DLAT: variants seen among roughly 807,000 people sequenced by gnomAD.
DLAT encodes the protein dihydrolipoamide S-acetyltransferase.
A neutral mutation model predicts 68.0 loss-of-function variants in DLAT; 43 were observed. The observed-to-expected ratio is 0.63, with a 90% CI of 0.50 to 0.81. The LOEUF (loss-of-function observed/expected upper bound fraction) is 0.81, where lower values mean the gene tolerates loss of function less well. Among genes scored for constraint, DLAT ranks in the 40% least tolerant of loss-of-function variants. DLAT has a pLI of 0.00. For missense variants in DLAT, 745 were observed against 815.4 expected (o/e 0.91, Z 1.05); for synonymous variants, 265 against 288.6 (o/e 0.92, Z 0.83).
intron 11 of DLAT, among the ~76,000 whole-genome samples, chr11:112,054,118 G>A (rs1592712003): frequency 6.6e-6 from 1 of 151,888 alleles, no homozygotes; most frequent in East Asian, 1.9e-4. Context: ...AGATCAGCCT[G>A]GCCAACATGG....
At chr11:112,034,541 C>T (rs1862588236) in intron 5 of DLAT, among the ~76,000 whole-genome samples, 1 of 151,630 alleles carries the variant, frequency 6.6e-6, no homozygotes, top group African/African-American at 2.4e-5. Flanking sequence ...CTCCTGGGTT[C>T]ACGCCATTCT....
chr11:112,028,293 C>G (rs931898210), intron 2 of DLAT, among the ~76,000 whole-genome samples: 17 of 151,980 alleles, frequency 1.1e-4, no homozygotes, highest in Admixed American at 1.0e-3. Context: ...GCAGCCTGTT[C>G]CTGTAATCCC....
At position 112,039,399 on chromosome 11, in the gene DLAT, T is replaced by C. The variant is rs782070173; in HGVS notation, c.1129+2T>C. ...GGATTGATCTTACACAAGTAAAAGG[T>C]AAATCTGTTTCTATAGAATGGACTT... On this transcript the variant is annotated splice_donor_variant, in intron 7 of 13. Coordinates refer to ENST00000280346, the MANE Select transcript of DLAT (RefSeq NM_001931.5). LOFTEE classifies it high-confidence loss of function. 1.2e-6 allele frequency: 2 copies of C among 1,613,846 alleles called. No homozygotes were observed. Among genetic ancestry groups the C allele is most frequent in the African/African-American group, 2.7e-5 (2 of 74,940 alleles).
chr11:112,051,373 A>G lies in DLAT; in HGVS notation c.1514+24A>G, dbSNP rs781954390. 5 of 1,494,520 alleles carry G rather than the reference A, an allele frequency of 3.3e-6. No homozygotes were observed. Among genetic ancestry groups the G allele is most frequent in the Non-Finnish European group, 2.8e-6 (3 of 1,072,146 alleles). The allele number at this position is 1,494,520 out of a possible 1,614,324, so 92.6% of individuals were successfully genotyped here. On this transcript the variant is annotated intron_variant, in intron 11 of 13. Transcript: ENST00000280346. This position sits in a 1 kb window ranked among gnomAD's most constrained non-coding sequence, Gnocchi z 4.3. The stretch of plus-strand genomic sequence containing the variant: ...CAGTAAGTATAACTGGGGAAGATAT[A>G]TATCCATCGGTAGTTTTCTTGTATT...
In DLAT at chr11:112,045,212, A is replaced by G. The variant is rs1863244726; in HGVS notation, c.1272A>G (p.Pro424=). The stretch of plus-strand genomic sequence containing the variant: ...CTACAGGTGTCTTCACAGATATCCC[A>G]ATCAGCAACATTCGTCGGGTAAGAG... The part of the protein sequence containing the change: ...PVPTGVFTDI[P]ISNIRRVIAQ... The change falls in exon 9 of 14, where the codon CCA becomes CCG. Residue 424 remains proline, a synonymous_variant. Coordinates refer to ENST00000280346, the MANE Select transcript of DLAT (RefSeq NM_001931.5). 1.9e-6 allele frequency: 3 copies of G among 1,613,916 alleles called. No individual in the cohort carries two copies. Among genetic ancestry groups the G allele is most frequent in the South Asian group, 1.1e-5 (1 of 91,086 alleles).
chr11:112,054,186 C>T (rs1184560385), intron 11 of DLAT, among the ~76,000 whole-genome samples: 1 of 151,680 alleles, frequency 6.6e-6, no homozygotes, highest in East Asian at 1.9e-4. Flanking sequence ...TATGGTGGTG[C>T]GCGCCTGTAG....
At position 112,039,023 on chromosome 11, in the gene DLAT, A is replaced by G. The variant is rs189053631; in HGVS notation, c.976-221A>G. On this transcript the variant is annotated intron_variant, in intron 6 of 13. Transcript: ENST00000280346. ...CTTCATGTTGTTATGGAATAAGGTAACTGTTCTGTCTTTGATATAGAAGTA... is the reference window on the plus strand; with the variant it reads ...CTTCATGTTGTTATGGAATAAGGTAGCTGTTCTGTCTTTGATATAGAAGTA... Among the ~76,000 whole-genome samples the G allele has an allele frequency of 3.3e-4, 50 of 152,248 alleles. 1 individual carries two copies. Among genetic ancestry groups the G allele is most frequent in the African/African-American group, 1.1e-3 (44 of 41,560 alleles).
chr11:112,040,411 G>C (rs587745472), intron 7 of DLAT, among the ~76,000 whole-genome samples: 14 of 152,270 alleles, frequency 9.2e-5, no homozygotes, highest in African/African-American at 3.1e-4. Context: ...AAATAGTAAA[G>C]TTGCAGTGTA....
Position 112,036,169 on chromosome 11 carries a change from G to A in DLAT, c.788-1104G>A, listed in dbSNP as rs868973103. ...TATATATATATGTGTGTGTATATAT[G>A]TGTGTGTGTGTGTGTGTGTGTGTGT... On this transcript the variant is annotated intron_variant, in intron 5 of 13. Coordinates refer to ENST00000280346, the MANE Select transcript of DLAT (RefSeq NM_001931.5). Among the ~76,000 whole-genome samples the A allele has an allele frequency of 6.3e-3, 408 of 64,412 alleles. 1 individual carries two copies. Among genetic ancestry groups the A allele is most frequent in the Middle Eastern group, 9.3e-3 (1 of 108 alleles). 42.3% of individuals were successfully genotyped at this position (64,412 alleles called of 152,430 possible).
At chr11:112,042,350 G>A (rs1863094953) in intron 7 of DLAT, among the ~76,000 whole-genome samples, 1 of 152,214 alleles carries the variant, frequency 6.6e-6, no homozygotes, top group African/African-American at 2.4e-5. Flanking sequence ...GGACTGTGGT[G>A]TCTAGATCAG....
Position 112,062,502 on chromosome 11 carries a change from G to T in DLAT, c.1911G>T (p.Lys637Asn), listed in dbSNP as rs782700713. 6.2e-7 allele frequency: 1 copy of T among 1,612,428 alleles called. No homozygotes were observed. Among genetic ancestry groups the T allele is most frequent in the Non-Finnish European group, 8.5e-7 (1 of 1,179,994 alleles). Residue 637 changes from lysine to asparagine, a missense_variant, in exon 14 of 14, where the codon AAG (lysine) becomes AAT (asparagine). Coordinates refer to ENST00000280346, the MANE Select transcript of DLAT (RefSeq NM_001931.5). ...CCCAGTGGCTTGCTGAGTTTAGAAA[G>T]TACCTTGAAAAACCTATCACTATGT... ...VGAQWLAEFR[K>N]YLEKPITMLL
chr11:112,058,894 G>A (rs999139369), intron 11 of DLAT, among the ~76,000 whole-genome samples: 8 of 152,088 alleles, frequency 5.3e-5, no homozygotes, highest in African/African-American at 1.2e-4. Flanking sequence ...CTTTTGAACC[G>A]TTTGATAACT....
chr11:112,051,357 T>A lies in DLAT; in HGVS notation c.1514+8T>A. 1 of 1,569,296 alleles carries A rather than the reference T, an allele frequency of 6.4e-7. No homozygotes were observed. Among genetic ancestry groups the A allele is most frequent in the Non-Finnish European group, 8.8e-7 (1 of 1,139,818 alleles). On this transcript the variant is annotated splice_region_variant and intron_variant, in intron 11 of 13. Coordinates refer to ENST00000280346, the MANE Select transcript of DLAT (RefSeq NM_001931.5). This position sits in a 1 kb window ranked among gnomAD's most constrained non-coding sequence, Gnocchi z 4.3. ...GGACACAGTTATAAGACAGTAAGTA[T>A]AACTGGGGAAGATATATATCCATCG...
At chr11:112,057,380 G>C (rs2135134536) in intron 11 of DLAT, among the ~76,000 whole-genome samples, 1 of 152,320 alleles carries the variant, frequency 6.6e-6, no homozygotes, top group African/African-American at 2.4e-5. Flanking sequence ...AATGAGTAAG[G>C]CATGTCAAAA....
In DLAT at chr11:112,026,210, T is replaced by G; in HGVS notation, c.292T>G (p.Ser98Ala). 1.2e-6 allele frequency: 2 copies of G among 1,611,360 alleles called. No individual in the cohort carries two copies. The highest frequency in any genetic ancestry group is 2.2e-5 in the East Asian group (1 of 44,874). Reference sequence around the variant, plus strand: ...TTTCCTTTTCCAGGTTCCATTGCCTTCTCTTTCCCCCACAATGCAGGCAGG... The same window carrying G: ...TTTCCTTTTCCAGGTTCCATTGCCTGCTCTTTCCCCCACAATGCAGGCAGG... ...LPPHQKVPLP[S>A]LSPTMQAGTI... is the part of the protein sequence containing the mutation. The change falls in exon 2 of 14, where the codon TCT becomes GCT. Residue 98 changes from serine (S) to alanine (A), a missense_variant. By Grantham distance (99) the Ser-to-Ala change is moderately conservative. Transcript: ENST00000280346.
At chr11:112,028,461 A>G (rs1182198593) in intron 2 of DLAT, 54 bp from the exon 3 acceptor site, 2 of 1,588,994 alleles carry the variant, frequency 1.3e-6, no homozygotes, top group Non-Finnish European at 1.7e-6. Flanking sequence ...GACACAAGCT[A>G]ATAAATTACA....
rs587633641 is a variant in DLAT at position 112,061,208 on chromosome 11, AATTTTT to A, written c.1814+38_1814+43del. On this transcript the variant is annotated intron_variant, in intron 13 of 13. Transcript: ENST00000280346. ...CAAAATGGAGGGGAAGTCGTAAGCT[AATTTTT>A]ATTACACTGTACACTTGTCCTGTGG... 1.7e-4 allele frequency: 281 copies of A among 1,612,726 alleles called. No homozygotes were observed. The African/African-American group carries it at 3.5e-3, about 20-fold the overall frequency.
Position 112,028,547 on chromosome 11 carries a change from G to A in DLAT, c.414G>A (p.Glu138=), listed in dbSNP as rs782164299. ...VETDKATVGF[E]SLEECYMAKI... is the part of the protein sequence containing the mutation. ...CTGATAAAGCCACTGTTGGATTTGA[G>A]AGCCTGGAGGAGTGTTATATGGCAA... Residue 138 remains glutamate (E), a synonymous_variant, in exon 3 of 14, where the codon GAG becomes GAA. Coordinates refer to ENST00000280346, the MANE Select transcript of DLAT (RefSeq NM_001931.5). The A allele has an allele frequency of 6.2e-7, 1 of 1,614,012 alleles. No individual in the cohort carries two copies. Among genetic ancestry groups the A allele is most frequent in the South Asian group, 1.1e-5 (1 of 91,078 alleles).
Position 112,036,167 on chromosome 11 carries a change from ATGTGTGTGTGTG to A in DLAT, c.788-1082_788-1071del, listed in dbSNP as rs1311809853. Among the ~76,000 whole-genome samples the A allele has an allele frequency of 3.3e-4, 27 of 82,570 alleles. No individual in the cohort carries two copies. In the East Asian group the frequency reaches 4.6e-3, roughly 14 times the overall value. 54.2% of individuals were successfully genotyped at this position (82,570 alleles called of 152,430 possible). A position where few individuals can be genotyped will look rare whatever the true frequency, so the allele number is the denominator to read the frequency against. On this transcript the variant is annotated intron_variant, in intron 5 of 13. Coordinates refer to ENST00000280346, the MANE Select transcript of DLAT (RefSeq NM_001931.5). The stretch of plus-strand genomic sequence containing the variant: ...TATATATATATATGTGTGTGTATAT[ATGTGTGTGTGTG>A]TGTGTGTGTGTGTGTGTGTGTGTTT...
Sources: gnomAD v4.1 joint callset for allele counts (sites outside exome capture counted in the v4.1 genomes callset) on GRCh38, gnomAD v4.1.1 for gene constraint, Gnocchi (gnomAD v3.1) non-coding constraint, MANE v1.5 for transcripts, NCBI Gene and HGNC (gene_info 2026-07-23, HGNC 2026-07-21) for gene names.